NCEH1: variants seen among roughly 807,000 people sequenced by gnomAD.
The protein encoded by NCEH1 is 2-acetyl MAGE hydrolase.
A neutral mutation model predicts 25.4 loss-of-function variants in NCEH1; 9 were observed. That is an observed-to-expected ratio of 0.35 (90% confidence interval 0.21 to 0.62). The LOEUF (loss-of-function observed/expected upper bound fraction) is 0.62, where lower values mean the gene tolerates loss of function less well. Ranked by LOEUF, NCEH1 falls within the 20% of genes least tolerant of loss-of-function variation. The pLI is 0.72. For synonymous variants in NCEH1, 200 were observed against 199.8 expected, an observed-to-expected ratio of 1.00 and a Z score of -0.01; for missense variants, 412 against 501.1, an observed-to-expected ratio of 0.82 and a Z score of 1.70.
intron 1 of NCEH1, among the ~76,000 whole-genome samples, chr3:172,659,777 T>C (rs1197981933): frequency 1.3e-5 from 2 of 152,244 alleles, no homozygotes; most frequent in African/African-American, 4.8e-5. Flanking sequence ...TCAGTGACTA[T>C]GGCAGCATAG....
chr3:172,676,863 T>A (rs1712039513), intron 1 of NCEH1, among the ~76,000 whole-genome samples: 1 of 152,120 alleles, frequency 6.6e-6, no homozygotes, highest in Non-Finnish European at 1.5e-5. Flanking sequence ...TTTAAAAAAT[T>A]AAGTTTATAC....
chr3:172,648,131 G>A lies in NCEH1; in HGVS notation c.139-17C>T. Reference sequence around the variant, plus strand: ...CAGGTTACTCTGCAGGGCGAGGGAGGAAATAAAGAGGGAGGGCGCACGTCA... The same window carrying A: ...CAGGTTACTCTGCAGGGCGAGGGAGAAAATAAAGAGGGAGGGCGCACGTCA... On this transcript the variant is annotated splice_polypyrimidine_tract_variant and intron_variant, in intron 1 of 4. Coordinates refer to ENST00000475381, the MANE Select transcript of NCEH1 (RefSeq NM_020792.6). 2 of 1,613,580 alleles carry A rather than the reference G, an allele frequency of 1.2e-6. No homozygotes were observed. The highest frequency in any genetic ancestry group is 3.3e-5 in the Admixed American group (2 of 60,014).
At position 172,632,316 on chromosome 3, in the gene NCEH1, A is replaced by T. The variant is rs1439871854; in HGVS notation, c.*1159T>A. On this transcript the variant is annotated 3_prime_UTR_variant, in exon 5 of 5. Transcript: ENST00000475381. ...ATTACACGTGGTTATAACTGTAGGG[A>T]AGGTTTTAAAACCCTAAGGCAGTTT... 2 of 152,294 alleles carry T rather than the reference A, an allele frequency of 1.3e-5. No individual in the cohort carries two copies. Among genetic ancestry groups the T allele is most frequent in the Non-Finnish European group, 2.9e-5 (2 of 68,042 alleles). 9.4% of individuals were successfully genotyped at this position (152,294 alleles called of 1,614,324 possible).
intron 1 of NCEH1, among the ~76,000 whole-genome samples, chr3:172,705,413 C>T (rs1713916686): frequency 6.6e-6 from 1 of 152,160 alleles, no homozygotes; most frequent in East Asian, 1.9e-4. Flanking sequence ...CATGTGAGCA[C>T]CGCCCATCAT....
At chr3:172,647,763 G>C in intron 2 of NCEH1, 123 bp downstream of exon 2, 1 of 1,356,444 alleles carries the variant, frequency 7.4e-7, no homozygotes. Context: ...GGGTAACTGG[G>C]ACCATCCAGG....
intron 1 of NCEH1, among the ~76,000 whole-genome samples, chr3:172,658,027 G>T (rs1035363955): frequency 5.3e-5 from 8 of 152,180 alleles, no homozygotes; most frequent in African/African-American, 1.9e-4. Flanking sequence ...TTCTCAGATG[G>T]TTAAGGCATT....
At chr3:172,663,732 T>G (rs1718075100) in intron 1 of NCEH1, among the ~76,000 whole-genome samples, 1 of 152,192 alleles carries the variant, frequency 6.6e-6, no homozygotes, top group Non-Finnish European at 1.5e-5. Flanking sequence ...TCTTTGTCTC[T>G]TTTGATCTTT....
intron 1 of NCEH1, among the ~76,000 whole-genome samples, chr3:172,653,258 G>C (rs1241401602): frequency 6.6e-6 from 1 of 152,072 alleles, no homozygotes; most frequent in East Asian, 1.9e-4. Context: ...TGGGGCACTG[G>C]CTCCCTACCC....
chr3:172,700,703 G>A (rs192210339), intron 1 of NCEH1, among the ~76,000 whole-genome samples: 1 of 152,142 alleles, frequency 6.6e-6, no homozygotes, highest in African/African-American at 2.4e-5. Context: ...GCCAAGGCTG[G>A]TCTTGAACTC....
chr3:172,698,089 G>C (rs1374840142), intron 1 of NCEH1, among the ~76,000 whole-genome samples: 1 of 148,032 alleles, frequency 6.8e-6, no homozygotes, highest in Non-Finnish European at 1.5e-5. Flanking sequence ...CGACTCTCCT[G>C]CCTCAGCCTT....
At chr3:172,675,331 A>AATT (rs1553835617) in intron 1 of NCEH1, among the ~76,000 whole-genome samples, 3 of 150,476 alleles carry the variant, frequency 2.0e-5, no homozygotes, top group East Asian at 1.9e-4. Context: ...ATAAATAAAT[A>AATT]AATAAATAAA....
intron 1 of NCEH1, among the ~76,000 whole-genome samples, chr3:172,695,020 T>C (rs1173852834): frequency 6.6e-6 from 1 of 152,238 alleles, no homozygotes; most frequent in Non-Finnish European, 1.5e-5. Context: ...TACTAGCACA[T>C]AATAATTGCT....
chr3:172,703,903 C>G (rs1344213524), intron 1 of NCEH1, among the ~76,000 whole-genome samples: 2 of 152,192 alleles, frequency 1.3e-5, no homozygotes, highest in African/African-American at 4.8e-5. Context: ...TGACACTATT[C>G]TTAAAACCTT....
intron 3 of NCEH1, among the ~76,000 whole-genome samples, chr3:172,643,293 G>T (rs1233858479): frequency 6.6e-6 from 1 of 152,022 alleles, no homozygotes; most frequent in Non-Finnish European, 1.5e-5. Flanking sequence ...GGCTGGACTC[G>T]AACTCCTGGG....
chr3:172,646,776 A>G (rs1286321831), intron 2 of NCEH1, among the ~76,000 whole-genome samples: 2 of 152,232 alleles, frequency 1.3e-5, no homozygotes, highest in African/African-American at 4.8e-5. Flanking sequence ...CCTGGCACCC[A>G]TACTTGCTGT....
intron 1 of NCEH1, among the ~76,000 whole-genome samples, chr3:172,697,970 A>ATTTTTTT (rs386398562): frequency 5.9e-5 from 6 of 101,084 alleles, no homozygotes; most frequent in Non-Finnish European, 9.5e-5. Context: ...TAAAAGCAGA[A>ATTTTTTT]TTTTTTTTTT....
At chr3:172,649,630 C>G in intron 1 of NCEH1, among the ~76,000 whole-genome samples, 1 of 152,302 alleles carries the variant, frequency 6.6e-6, no homozygotes, top group Non-Finnish European at 1.5e-5. Context: ...AATTACCATT[C>G]GAGTTTTGTG....
In NCEH1 at chr3:172,639,195, G is replaced by A. The variant is rs569660055; in HGVS notation, c.438-3108C>T. ...TGCTTGTAATCCCAGCTACTCGGGA[G>A]GCTGAGGCAGGAGAATCGCTTGAAC... On this transcript the variant is annotated intron_variant, in intron 3 of 4. Coordinates refer to ENST00000475381, the MANE Select transcript of NCEH1 (RefSeq NM_020792.6). Among the ~76,000 whole-genome samples the A allele has an allele frequency of 3.3e-5, 5 of 151,970 alleles. No homozygotes were observed. The East Asian group carries it at 9.7e-4, about 29-fold the overall frequency.
chr3:172,659,029 C>T (rs776724406), intron 1 of NCEH1, among the ~76,000 whole-genome samples: 3 of 151,754 alleles, frequency 2.0e-5, no homozygotes, highest in Non-Finnish European at 4.4e-5. Context: ...AATCTCAGAC[C>T]ACGGGGGGTC....
Sources: gnomAD v4.1 joint callset for allele counts (sites outside exome capture counted in the v4.1 genomes callset) on GRCh38, gnomAD v4.1.1 for gene constraint, MANE v1.5 for transcripts, NCBI Gene and HGNC (gene_info 2026-07-23, HGNC 2026-07-21) for gene names.